RIMKLB: variants seen among roughly 807,000 people sequenced by gnomAD.
RIMKLB encodes the protein beta-citrylglutamate synthase B.
Under a neutral mutation model 32.0 loss-of-function variants are expected in RIMKLB, and 7 were observed. That is an observed-to-expected ratio of 0.22 (90% CI 0.12 to 0.41). The LOEUF is 0.41. RIMKLB is among the 10% of genes least tolerant of loss of function. The probability of loss-of-function intolerance (pLI) is 1.00; values close to 1 mark genes in which losing one functional copy is unlikely to be tolerated. For synonymous variants in RIMKLB, 172 were observed against 185.1 expected (o/e 0.93, Z 0.57); for missense variants, 289 against 498.7 (o/e 0.58, Z 4.00).
chr12:8,774,735 T>C lies in RIMKLB; in HGVS notation c.*951T>C. 2 of 985,758 alleles carry C rather than the reference T, an allele frequency of 2.0e-6. No homozygotes were observed. The highest frequency in any genetic ancestry group is 2.4e-6 in the Non-Finnish European group (2 of 829,858). 61.1% of individuals were successfully genotyped at this position (985,758 alleles called of 1,614,324 possible). ...TTTATTTTTTCCCTTTTTGTTTTGG[T>C]AGTTGGGCATTTAAATAAGGACAAG... On this transcript the variant is annotated 3_prime_UTR_variant, in exon 6 of 6. Transcript: ENST00000535829.
In RIMKLB at chr12:8,753,918, G is replaced by A; in HGVS notation, c.522G>A (p.Lys174=). ...AAGCTGTTTTCTTGGCTCGAGATAA[G>A]CACCATTTGGCTGATCTAAGCCATC... ...RGKAVFLARD[K]HHLADLSHLI... is the part of the protein sequence containing the mutation. Residue 174 remains lysine, a synonymous_variant, in exon 5 of 6, where the codon AAG becomes AAA. Coordinates refer to ENST00000535829, the MANE Select transcript of RIMKLB (RefSeq NM_001297776.2). 6.2e-7 allele frequency: 1 copy of A among 1,613,864 alleles called. No homozygotes were observed.
At position 8,763,454 on chromosome 12, in the gene RIMKLB, A is replaced by G. The variant is rs140309632; in HGVS notation, c.697+9361A>G. ...AATTAGTGTATATAATGGCCTGGCT[A>G]TTTCGCCATACCTGGGAATCCATAT... On this transcript the variant is annotated intron_variant, in intron 5 of 5. Coordinates refer to ENST00000535829, the MANE Select transcript of RIMKLB (RefSeq NM_001297776.2). Among the ~76,000 whole-genome samples the G allele has an allele frequency of 6.6e-5, 10 of 152,266 alleles. No homozygotes were observed. The East Asian group carries it at 7.7e-4, about 12-fold the overall frequency.
upstream of RIMKLB, among the ~76,000 whole-genome samples, chr12:8,680,446 A>T (rs1181794255): frequency 6.6e-6 from 1 of 152,242 alleles, no homozygotes; most frequent in African/African-American, 2.4e-5. Flanking sequence ...GGCGTGAGCC[A>T]CCGCGCCCAG....
At chr12:8,739,540 AT>A (rs2137461798) in intron 2 of RIMKLB, among the ~76,000 whole-genome samples, 1 of 152,240 alleles carries the variant, frequency 6.6e-6, no homozygotes, top group Admixed American at 6.5e-5. Flanking sequence ...CAATGATGCA[AT>A]CACAGCTCAG....
At chr12:8,716,757 G>A (rs1450028972) in intron 2 of RIMKLB, among the ~76,000 whole-genome samples, 1 of 110,680 alleles carries the variant, frequency 9.0e-6, no homozygotes, top group African/African-American at 3.9e-5. Context: ...TTTACTTTGA[G>A]ACGGGGTCTC....
At chr12:8,754,548 T>TA (rs1346732353) in intron 5 of RIMKLB, among the ~76,000 whole-genome samples, 16 of 152,344 alleles carry the variant, frequency 1.1e-4, no homozygotes, top group Admixed American at 9.8e-4. Context: ...TTTGGGTTTT[T>TA]ATCCTCCTCT....
chr12:8,711,860 C>T (rs1039307091), intron 1 of RIMKLB, among the ~76,000 whole-genome samples: 1 of 152,106 alleles, frequency 6.6e-6, no homozygotes, highest in Non-Finnish European at 1.5e-5. Flanking sequence ...TTGGGTACAG[C>T]GTCTGGTCAG....
chr12:8,687,003 T>C (rs1565538583), intron 1 of RIMKLB, among the ~76,000 whole-genome samples: 1 of 152,182 alleles, frequency 6.6e-6, no homozygotes, highest in Non-Finnish European at 1.5e-5. Context: ...GGGGTAAGAA[T>C]ACGTACTTGG....
chr12:8,782,123 A>G (rs1951110298), downstream of RIMKLB, among the ~76,000 whole-genome samples: 1 of 133,838 alleles, frequency 7.5e-6, no homozygotes, highest in African/African-American at 2.6e-5. Flanking sequence ...AATGCTTTAG[A>G]ACTGAAAGAA....
chr12:8,692,179 G>A (rs1036040459), upstream of RIMKLB, among the ~76,000 whole-genome samples: 2 of 152,220 alleles, frequency 1.3e-5, no homozygotes, highest in East Asian at 1.9e-4. Context: ...TGCTGCCAAC[G>A]ATTTAATTTC....
chr12:8,760,048 A>G (rs1949384130), intron 5 of RIMKLB, among the ~76,000 whole-genome samples: 1 of 152,114 alleles, frequency 6.6e-6, no homozygotes, highest in South Asian at 2.1e-4. Flanking sequence ...TGCACCCATT[A>G]ACTCGTCATT....
intron 1 of RIMKLB, among the ~76,000 whole-genome samples, chr12:8,708,739 T>C (rs991115154): frequency 6.6e-6 from 1 of 152,222 alleles, no homozygotes; most frequent in Non-Finnish European, 1.5e-5. Context: ...AAATGTCTGC[T>C]TATTTCCTAT....
At chr12:8,750,637 A>T (rs1039839679) in intron 3 of RIMKLB, among the ~76,000 whole-genome samples, 13 of 150,146 alleles carry the variant, frequency 8.7e-5, no homozygotes, top group African/African-American at 1.7e-4. Flanking sequence ...TTTTTTTTTT[A>T]AAAGATCAAT....
In RIMKLB at chr12:8,698,249, C is replaced by T; in HGVS notation, c.-105C>T. The T allele has an allele frequency of 2.7e-6, 1 of 373,206 alleles. No individual in the cohort carries two copies. Among genetic ancestry groups the T allele is most frequent in the Non-Finnish European group, 5.5e-6 (1 of 183,016 alleles). 23.1% of individuals were successfully genotyped at this position (373,206 alleles called of 1,614,324 possible). On this transcript the variant is annotated 5_prime_UTR_variant, in exon 1 of 6. Transcript: ENST00000535829. ...GGCGGCCCGCGCTTCCTCGAAGGCCCCAGCCCGGCTCAGTCGGCCGAGAGC... is the reference window on the plus strand; with the variant it reads ...GGCGGCCCGCGCTTCCTCGAAGGCCTCAGCCCGGCTCAGTCGGCCGAGAGC...
At chr12:8,726,736 A>G (rs1240006834) in intron 2 of RIMKLB, among the ~76,000 whole-genome samples, 3 of 151,372 alleles carry the variant, frequency 2.0e-5, no homozygotes, top group Non-Finnish European at 2.9e-5. Flanking sequence ...GATGGCACGT[A>G]GTTGGGTCTT....
At chr12:8,748,556 G>A (rs1476631573) in intron 2 of RIMKLB, among the ~76,000 whole-genome samples, 3,421 of 107,978 alleles carry the variant, frequency 0.032, 137 homozygotes, top group African/African-American at 0.096. Flanking sequence ...GTGTGTGTGT[G>A]TGCATATATA....
intron 5 of RIMKLB, among the ~76,000 whole-genome samples, chr12:8,755,608 C>T (rs1948958783): frequency 1.3e-5 from 2 of 152,268 alleles, no homozygotes; most frequent in East Asian, 1.9e-4. Context: ...TACAGTAGCC[C>T]CTTAAGGGGT....
intron 2 of RIMKLB, among the ~76,000 whole-genome samples, chr12:8,715,228 C>CCTTTTTTTTTTTTTTTTTTTTTTTTTT (rs1445737752): frequency 8.1e-5 from 10 of 123,736 alleles, no homozygotes; most frequent in African/African-American, 3.3e-4. Context: ...TGCTCTTGTT[C>CCTTTTTTTTTTTTTTTTTTTTTTTTTT]TTTTTTTTTT....
rs1474994941 is a variant in RIMKLB, at chr12:8,754,048, T to G, written c.652T>G (p.Leu218Val). ...GGGAGGCCGTGTGGTTGGCACCATG[T>G]TACGTTGTTCAACAGATGGGAGAAT... ...VVGGRVVGTM[L>V]RCSTDGRMQS... Residue 218 changes from leucine to valine, a missense_variant, in exon 5 of 6, where the codon TTA becomes GTA. Transcript: ENST00000535829. 1 of 1,614,130 alleles carries G rather than the reference T, an allele frequency of 6.2e-7. No individual in the cohort carries two copies. Among genetic ancestry groups the G allele is most frequent in the Admixed American group, 1.7e-5 (1 of 60,024 alleles).
Sources: gnomAD v4.1 joint callset for allele counts (sites outside exome capture counted in the v4.1 genomes callset) on GRCh38, gnomAD v4.1.1 for gene constraint, MANE v1.5 for transcripts, NCBI Gene and HGNC (gene_info 2026-07-23, HGNC 2026-07-21) for gene names.